SNX29: variants seen among roughly 807,000 people sequenced by gnomAD.
SNX29 encodes the protein sorting nexin-29.
Under a neutral mutation model 102.1 loss-of-function variants are expected in SNX29, and 78 were observed. The ratio of observed to expected loss-of-function variants is 0.76; its 90% CI spans 0.64 to 0.92. The LOEUF (loss-of-function observed/expected upper bound fraction) is 0.92. SNX29 is among the 40% of genes least tolerant of loss of function. The pLI is 0.00. For missense variants in SNX29, 1,280 were observed against 1,061.7 expected, an observed-to-expected ratio of 1.21 and a Z score of -2.86; for synonymous variants, 580 against 414.5, an observed-to-expected ratio of 1.40 and a Z score of -4.85.
At chr16:12,054,806 C>T (rs778990826) in intron 8 of SNX29, among the ~76,000 whole-genome samples, 2 of 152,200 alleles carry the variant, frequency 1.3e-5, no homozygotes, top group South Asian at 2.1e-4. Flanking sequence ...TCCGCAGAAC[C>T]GTGGCTAACG....
intron 18 of SNX29, among the ~76,000 whole-genome samples, chr16:12,448,879 T>C (rs2086180212): frequency 6.6e-6 from 1 of 152,154 alleles, no homozygotes; most frequent in Non-Finnish European, 1.5e-5. Flanking sequence ...TTTTGGACGG[T>C]AGTGATTTGC....
intron 18 of SNX29, among the ~76,000 whole-genome samples, chr16:12,454,503 T>C (rs544981375): frequency 2.8e-4 from 42 of 152,308 alleles, no homozygotes; most frequent in South Asian, 1.5e-3. Context: ...TAGGGACTTA[T>C]AGTCAACAGC....
chr16:12,425,315 G>A (rs2085020572), intron 18 of SNX29, among the ~76,000 whole-genome samples: 1 of 151,920 alleles, frequency 6.6e-6, no homozygotes, highest in Non-Finnish European at 1.5e-5. Context: ...GGCGGGTTAA[G>A]CAAATTGAAA....
At chr16:12,410,985 C>T (rs945760989) in intron 18 of SNX29, among the ~76,000 whole-genome samples, 5 of 152,168 alleles carry the variant, frequency 3.3e-5, no homozygotes, top group Non-Finnish European at 5.9e-5. Context: ...TGTCTTTATG[C>T]TTGCTTCCTG....
At position 12,382,682 on chromosome 16, in the gene SNX29, C is replaced by T. The variant is rs576555823; in HGVS notation, c.1900-15764C>T. On this transcript the variant is annotated intron_variant, in intron 16 of 20. Coordinates refer to ENST00000566228, the MANE Select transcript of SNX29 (RefSeq NM_032167.5). ...TGCTCGCAGTTCTGGAGGCCAGAGT[C>T]GGCAATCACGGTGCCAGCAGTGGCA... is the stretch of plus-strand genomic sequence containing the variant. 9.2e-5 allele frequency among the ~76,000 whole-genome samples: 14 copies of T among 152,304 alleles called. No individual in the cohort carries two copies. The East Asian group carries it at 2.3e-3, about 25-fold the overall frequency.
intron 16 of SNX29, chr16:12,366,944 A>G (rs2082508578): frequency 6.9e-6 from 1 of 144,648 alleles, no homozygotes; most frequent in African/African-American, 2.6e-5. Flanking sequence ...CCACTCTCCC[A>G]TTGTCTCCAG....
chr16:12,417,048 T>C (rs2084664936), intron 18 of SNX29, among the ~76,000 whole-genome samples: 2 of 152,170 alleles, frequency 1.3e-5, no homozygotes, highest in Admixed American at 1.3e-4. Flanking sequence ...TACGCTTGAG[T>C]AAGGGGAAGG....
chr16:12,498,810 G>A (rs1436659369), intron 19 of SNX29, among the ~76,000 whole-genome samples: 1 of 152,080 alleles, frequency 6.6e-6, no homozygotes, highest in African/African-American at 2.4e-5. Context: ...ACAATTTTTG[G>A]CCACTGTTGC....
In SNX29 at chr16:12,481,409, CACAT is replaced by C. The variant is rs1439857873; in HGVS notation, c.2178+3552_2178+3555del. On this transcript the variant is annotated intron_variant, in intron 19 of 20. Transcript: ENST00000566228. Reference sequence around the variant, plus strand: ...ATATATATATATACACACACACACACACATATACATACACACATATACACATATA... The same window carrying C: ...ATATATATATATACACACACACACACATACATACACACATATACACATATA... Among the ~76,000 whole-genome samples, 13 of 149,280 alleles carry C rather than the reference CACAT, an allele frequency of 8.7e-5. No individual in the cohort carries two copies. In the South Asian group the frequency reaches 2.7e-3, roughly 31 times the overall value.
At chr16:12,045,308 C>G (rs185804791) in intron 5 of SNX29, among the ~76,000 whole-genome samples, 2 of 152,132 alleles carry the variant, frequency 1.3e-5, no homozygotes, top group Non-Finnish European at 2.9e-5. Context: ...TTTGCTTTAG[C>G]GAAATTGACT....
At chr16:12,172,776 C>T (rs1252579878) in intron 13 of SNX29, among the ~76,000 whole-genome samples, 2 of 152,108 alleles carry the variant, frequency 1.3e-5, no homozygotes, top group Non-Finnish European at 2.9e-5. Flanking sequence ...GGGACATGGG[C>T]ACTGAGATTC....
intron 8 of SNX29, among the ~76,000 whole-genome samples, chr16:12,059,328 A>G (rs913826020): frequency 2.6e-5 from 4 of 152,200 alleles, no homozygotes; most frequent in African/African-American, 9.6e-5. Context: ...CGTGGTCACC[A>G]GTGGCCAGGT....
chr16:12,555,843 C>G (rs1184577517), intron 20 of SNX29, among the ~76,000 whole-genome samples: 1 of 152,214 alleles, frequency 6.6e-6, no homozygotes, highest in Non-Finnish European at 1.5e-5. Flanking sequence ...GACCAACCCC[C>G]CTCACCACCT....
At chr16:12,341,098 C>A (rs988551225) in intron 15 of SNX29, among the ~76,000 whole-genome samples, 2 of 152,216 alleles carry the variant, frequency 1.3e-5, no homozygotes, top group East Asian at 3.8e-4. Context: ...TGGAACGCAT[C>A]CAACCTATGG....
chr16:12,444,137 C>T (rs563625007), intron 18 of SNX29, among the ~76,000 whole-genome samples: 22 of 150,044 alleles, frequency 1.5e-4, no homozygotes, highest in East Asian at 5.9e-4. Context: ...GCACCTAGCA[C>T]GTAGTAAGCA....
chr16:12,515,544 A>C (rs541595555), intron 19 of SNX29: 27 of 491,860 alleles, frequency 5.5e-5, no homozygotes, highest in South Asian at 3.9e-4. Context: ...CTGCAGCAGC[A>C]TCCTTGCTGG....
chr16:12,169,814 A>G (rs1224309356), intron 13 of SNX29, among the ~76,000 whole-genome samples: 1 of 151,890 alleles, frequency 6.6e-6, no homozygotes, highest in African/African-American at 2.4e-5. Context: ...GTGAGCTGAG[A>G]TCATGCCACT....
At chr16:12,075,850 C>T (rs988639050) in intron 10 of SNX29, among the ~76,000 whole-genome samples, 2 of 152,308 alleles carry the variant, frequency 1.3e-5, no homozygotes, top group Non-Finnish European at 2.9e-5. Context: ...CTTTGTTTAC[C>T]TAAGGGAGCC....
Position 12,571,627 on chromosome 16 carries a change from T to C in SNX29, c.*2998T>C. ...GCAGGTTCCATCTTTCACATCTTTTTTTCTCCCCCAGATGAAAGACGACTC... is the reference window on the plus strand; with the variant it reads ...GCAGGTTCCATCTTTCACATCTTTTCTTCTCCCCCAGATGAAAGACGACTC... On this transcript the variant is annotated 3_prime_UTR_variant, in exon 21 of 21. Coordinates refer to ENST00000566228, the MANE Select transcript of SNX29 (RefSeq NM_032167.5). 1 of 1,059,060 alleles carries C rather than the reference T, an allele frequency of 9.4e-7. No homozygotes were observed. The highest frequency in any genetic ancestry group is 1.1e-6 in the Non-Finnish European group (1 of 875,510). 65.6% of individuals were successfully genotyped at this position (1,059,060 alleles called of 1,614,324 possible).
Sources: allele counts gnomAD v4.1 joint callset (sites outside exome capture counted in the v4.1 genomes callset), GRCh38; gene constraint gnomAD v4.1.1; transcripts MANE v1.5; gene names NCBI Gene and HGNC (gene_info 2026-07-23, HGNC 2026-07-21).